Variants in MECR observed in about 807,000 individuals in gnomAD.
MECR encodes mitochondrial trans-2-enoyl-CoA reductase, also known as enoyl-[acyl-carrier-protein] reductase, mitochondrial.
Under a neutral mutation model 49.1 loss-of-function variants are expected in MECR, and 37 were observed. The ratio of observed to expected loss-of-function variants is 0.75; its 90% CI spans 0.58 to 0.99. The LOEUF (loss-of-function observed/expected upper bound fraction) is 0.99, where lower values mean the gene tolerates loss of function less well. Ranked by LOEUF, MECR falls within the 50% of genes least tolerant of loss-of-function variation. The pLI is 0.00. For synonymous variants in MECR, 198 were observed against 191.1 expected, an observed-to-expected ratio of 1.04 and a Z score of -0.30; for missense variants, 470 against 479.6, an observed-to-expected ratio of 0.98 and a Z score of 0.19.
At chr1:29,184,439 G>A in the MECR span, among the ~76,000 whole-genome samples, 183 of 152,252 alleles carry the variant, frequency 1.2e-3, 1 homozygote, top group African/African-American at 4.3e-3. Context: ...CACCGCGCCC[G>A]GCAAGAAATC....
chr1:29,217,183 C>G (rs961470796), intron 1 of MECR, among the ~76,000 whole-genome samples: 5 of 138,242 alleles, frequency 3.6e-5, no homozygotes, highest in African/African-American at 1.3e-4. Flanking sequence ...GGTTGACTCT[C>G]ATTAACTGCA....
chr1:29,194,510 G>A (rs1673494369), intron 9 of MECR, among the ~76,000 whole-genome samples: 1 of 152,178 alleles, frequency 6.6e-6, no homozygotes, highest in African/African-American at 2.4e-5. Context: ...ATGGTGGGAG[G>A]AAAAGGATGG....
At chr1:29,203,764 C>T (rs1675902913) in intron 4 of MECR, among the ~76,000 whole-genome samples, 1 of 152,220 alleles carries the variant, frequency 6.6e-6, no homozygotes, top group South Asian at 2.1e-4. Flanking sequence ...TATATAGGTC[C>T]ATTTCTATCA....
the MECR span, among the ~76,000 whole-genome samples, chr1:29,182,745 T>C: frequency 6.6e-6 from 1 of 152,148 alleles, no homozygotes; most frequent in South Asian, 2.1e-4. Flanking sequence ...AGTTTCACCA[T>C]ATTGGCCAGG....
At chr1:29,222,392 T>C (rs1401755481) in intron 1 of MECR, among the ~76,000 whole-genome samples, 1 of 152,192 alleles carries the variant, frequency 6.6e-6, no homozygotes, top group Non-Finnish European at 1.5e-5. Flanking sequence ...CCACTGCACC[T>C]GGCTGTTAGG....
At chr1:29,174,696 AT>A in the MECR span, among the ~76,000 whole-genome samples, 1 of 111,568 alleles carries the variant, frequency 9.0e-6, no homozygotes, top group Non-Finnish European at 1.8e-5. Context: ...TTTTTTTTTG[AT>A]GGAGTCTTGC....
At chr1:29,184,407 C>A in the MECR span, among the ~76,000 whole-genome samples, 5 of 152,076 alleles carry the variant, frequency 3.3e-5, no homozygotes, top group South Asian at 2.1e-4. Flanking sequence ...AAACTCCTGA[C>A]CTCAGGTGAG....
At chr1:29,181,760 A>C in the MECR span, 1 of 1,571,530 alleles carries the variant, frequency 6.4e-7, no homozygotes, top group Non-Finnish European at 8.6e-7. Context: ...CATCCCGGCA[A>C]CGGCAGTGAT....
the MECR span, among the ~76,000 whole-genome samples, chr1:29,177,289 T>TG: frequency 1.3e-5 from 2 of 151,718 alleles, no homozygotes; most frequent in Non-Finnish European, 2.9e-5. Context: ...TTTTGTTTTT[T>TG]TTTTTTTTTG....
the MECR span, among the ~76,000 whole-genome samples, chr1:29,182,698 C>G: frequency 1.3e-5 from 2 of 152,182 alleles, no homozygotes; most frequent in Non-Finnish European, 2.9e-5. Context: ...CGCCCGCCCC[C>G]ACGCCCGGCT....
chr1:29,198,323 C>G (rs1397768127), intron 7 of MECR, among the ~76,000 whole-genome samples: 2 of 152,192 alleles, frequency 1.3e-5, no homozygotes, highest in Non-Finnish European at 2.9e-5. Context: ...TATATAACCC[C>G]CATTTTACAG....
chr1:29,215,888 TA>T (rs947457725), intron 3 of MECR, 116 bp downstream of exon 3: 76 of 1,212,888 alleles, frequency 6.3e-5, no homozygotes, highest in Non-Finnish European at 7.0e-5. Flanking sequence ...AATAAATAAA[TA>T]AAAAAAATAA....
downstream of MECR, among the ~76,000 whole-genome samples, chr1:29,192,006 C>T (rs541063521): frequency 7.0e-4 from 106 of 152,180 alleles, 1 homozygote; most frequent in African/African-American, 2.4e-3. Context: ...GAAGGAGAAT[C>T]GCTTGAACCC....
intron 1 of MECR, 66 bp from the exon 2 acceptor site, chr1:29,216,751 ATC>A: frequency 6.2e-7 from 1 of 1,611,592 alleles, no homozygotes. Flanking sequence ...CGCTCAAATC[ATC>A]TCCTCAAAGT....
At chr1:29,205,804 G>A (rs1334518162) in intron 4 of MECR, among the ~76,000 whole-genome samples, 1 of 152,014 alleles carries the variant, frequency 6.6e-6, no homozygotes, top group African/African-American at 2.4e-5. Context: ...AAGCCGGGGC[G>A]ACAGAGCACG....
downstream of MECR, among the ~76,000 whole-genome samples, chr1:29,190,956 T>C (rs1389101630): frequency 6.6e-6 from 1 of 152,208 alleles, no homozygotes; most frequent in Non-Finnish European, 1.5e-5. Flanking sequence ...TAGGTTTTAA[T>C]TCTCAGGAAG....
At chr1:29,167,866 A>AT in the MECR span, among the ~76,000 whole-genome samples, 1 of 152,184 alleles carries the variant, frequency 6.6e-6, no homozygotes. Flanking sequence ...AGAATGTATT[A>AT]TTATTCTTCT....
At chr1:29,181,794 C>T in the MECR span, 1 of 1,505,502 alleles carries the variant, frequency 6.6e-7, no homozygotes, top group South Asian at 1.2e-5. Context: ...CCCAGCCCCC[C>T]TTAGGCGGCG....
chr1:29,216,854 G>A (rs1348012479), intron 1 of MECR, 169 bp from the exon 2 acceptor site: 1 of 1,418,040 alleles, frequency 7.1e-7, no homozygotes, highest in Non-Finnish European at 9.2e-7. Flanking sequence ...AACACAGGAG[G>A]CTGGGCGTGG....
Sources: allele counts gnomAD v4.1 joint callset (sites outside exome capture counted in the v4.1 genomes callset), GRCh38; gene constraint gnomAD v4.1.1; transcripts MANE v1.5; gene names NCBI Gene and HGNC (gene_info 2026-07-23, HGNC 2026-07-21).